Variants in CNGB3 observed in about 807,000 individuals in gnomAD.
CNGB3 encodes cyclic nucleotide-gated channel beta-3.
A neutral mutation model predicts 92.8 loss-of-function variants in CNGB3; 86 were observed. The observed-to-expected ratio is 0.93, with a 90% CI of 0.78 to 1.11. The LOEUF is 1.11. Among genes scored for constraint, CNGB3 ranks in the 50% least tolerant of loss-of-function variants. The pLI is 0.00. For missense variants in CNGB3, 1,026 were observed against 956.8 expected, an observed-to-expected ratio of 1.07 and a Z score of -0.95; for synonymous variants, 333 against 332.7, an observed-to-expected ratio of 1.00 and a Z score of -0.01.
chr8:86,680,112 A>G (rs929314544), intron 3 of CNGB3, among the ~76,000 whole-genome samples: 8 of 152,232 alleles, frequency 5.3e-5, no homozygotes, highest in Non-Finnish European at 4.4e-5. Flanking sequence ...GAATACATAC[A>G]TATCAAGAAA....
rs543158936 is a variant in CNGB3 at position 86,589,253 on chromosome 8, C to T, written c.1782-10001G>A. Among the ~76,000 whole-genome samples, 100 of 150,664 alleles carry T rather than the reference C, an allele frequency of 6.6e-4. 4 individuals are homozygous for T. In the South Asian group the frequency reaches 0.019, roughly 28 times the overall value. On this transcript the variant is annotated intron_variant, in intron 15 of 17. Transcript: ENST00000320005. ...TTTTTTTCTTTATTAGTCTTGCTAG[C>T]GGTCTATCAATTTTGTTGATCCTTT...
chr8:86,617,461 G>A (rs58741016), intron 13 of CNGB3, among the ~76,000 whole-genome samples: 1,907 of 152,244 alleles, frequency 0.013, 33 homozygotes, highest in South Asian at 0.053. Context: ...AAACAAGTAA[G>A]TTATAGGTGA....
intron 3 of CNGB3, among the ~76,000 whole-genome samples, chr8:86,705,860 A>G (rs1289785852): frequency 6.6e-6 from 1 of 152,220 alleles, no homozygotes; most frequent in Non-Finnish European, 1.5e-5. Flanking sequence ...ATAGTATGAC[A>G]CAGACTAGGA....
At position 86,593,629 on chromosome 8, in the gene CNGB3, G is replaced by A. The variant is rs1480809947; in HGVS notation, c.1781+10464C>T. On this transcript the variant is annotated intron_variant, in intron 15 of 17. Transcript: ENST00000320005. ...ATGAGAGGTGGTGGCTATAAGGGGC[G>A]AGTGGGGTTCCCCACTGAGGTGGAC... 3.4e-5 allele frequency: 16 copies of A among 471,000 alleles called. No homozygotes were observed. In the East Asian group the frequency reaches 4.1e-4, roughly 12 times the overall value. The allele number at this position is 471,000 out of a possible 1,614,324, so 29.2% of individuals were successfully genotyped here.
chr8:86,676,146 T>C (rs1486151237), intron 3 of CNGB3, among the ~76,000 whole-genome samples: 2 of 152,206 alleles, frequency 1.3e-5, no homozygotes, highest in Non-Finnish European at 2.9e-5. Context: ...TTGTTAGGAC[T>C]CTAAGAAAGT....
chr8:86,669,432 C>A (rs1160918070), intron 4 of CNGB3, among the ~76,000 whole-genome samples: 1 of 152,108 alleles, frequency 6.6e-6, no homozygotes. Context: ...AAAGGTGTTA[C>A]AAATAGAGTA....
intron 1 of CNGB3, among the ~76,000 whole-genome samples, chr8:86,742,744 CAA>C (rs1825363684): frequency 6.6e-6 from 1 of 152,124 alleles, no homozygotes; most frequent in African/African-American, 2.4e-5. Flanking sequence ...CACAGAAACA[CAA>C]ATTCTTATTA....
chr8:86,676,965 T>A (rs1297346803), intron 3 of CNGB3, among the ~76,000 whole-genome samples: 6 of 152,300 alleles, frequency 3.9e-5, no homozygotes, highest in African/African-American at 1.4e-4. Flanking sequence ...TGATGATGAA[T>A]AAATCAGAAC....
intron 2 of CNGB3, among the ~76,000 whole-genome samples, chr8:86,735,951 C>A (rs1401530094): frequency 6.6e-6 from 1 of 152,102 alleles, no homozygotes; most frequent in Non-Finnish European, 1.5e-5. Flanking sequence ...AAATTACTTA[C>A]ATATCCTCTA....
chr8:86,661,883 C>G (rs955509998), intron 6 of CNGB3: 1 of 935,116 alleles, frequency 1.1e-6, no homozygotes, highest in Non-Finnish European at 1.8e-6. Context: ...CATCACAGTC[C>G]ACAAACCATA....
At chr8:86,628,565 G>A (rs925975122) in intron 12 of CNGB3, among the ~76,000 whole-genome samples, 1 of 152,024 alleles carries the variant, frequency 6.6e-6, no homozygotes, top group African/African-American at 2.4e-5. Context: ...CTGTGTCTTC[G>A]CCCAAATTTC....
chr8:86,741,304 A>AT (rs886418058), intron 1 of CNGB3, among the ~76,000 whole-genome samples: 4 of 152,166 alleles, frequency 2.6e-5, no homozygotes, highest in Non-Finnish European at 5.9e-5. Flanking sequence ...GAGATAAACT[A>AT]TTTTTTCCCA....
intron 14 of CNGB3, among the ~76,000 whole-genome samples, chr8:86,608,593 G>T (rs1267021564): frequency 2.0e-5 from 3 of 152,224 alleles, no homozygotes; most frequent in Non-Finnish European, 4.4e-5. Flanking sequence ...TGCTTCAGTG[G>T]TCAGGCTCCT....
At position 86,590,124 on chromosome 8, in the gene CNGB3, G is replaced by A. The variant is rs527317581; in HGVS notation, c.1782-10872C>T. Among the ~76,000 whole-genome samples the A allele has an allele frequency of 4.3e-4, 66 of 151,790 alleles. 2 individuals carry two copies. The South Asian group carries it at 0.013, about 29-fold the overall frequency. ...TTCTTTGTCTCTTTTGATCTTTTTT[G>A]GTTTCAAGTCTGTTTTATCAGAGAC... is the stretch of plus-strand genomic sequence containing the variant. On this transcript the variant is annotated intron_variant, in intron 15 of 17. Transcript: ENST00000320005.
chr8:86,736,760 A>G (rs1024588134), intron 2 of CNGB3, among the ~76,000 whole-genome samples: 25 of 152,052 alleles, frequency 1.6e-4, no homozygotes, highest in South Asian at 8.3e-4. Context: ...TAAAAAAAAA[A>G]GGCAAGACCA....
chr8:86,735,775 A>G (rs968785399), intron 2 of CNGB3, among the ~76,000 whole-genome samples: 3 of 152,084 alleles, frequency 2.0e-5, no homozygotes, highest in Non-Finnish European at 4.4e-5. Flanking sequence ...AACATTAGCA[A>G]TTTTCTTCAA....
chr8:86,589,937 GGTGTTAAAGTCTCCCATTATTATT>G (rs1292991923), intron 15 of CNGB3, among the ~76,000 whole-genome samples: 1 of 150,068 alleles, frequency 6.7e-6, no homozygotes, highest in Admixed American at 6.7e-5. Context: ...TTGACAGTGG[GGTGTTAAAGTCTCCCATTATTATT>G]GTGTGGGAGT....
chr8:86,580,195 G>GC (rs1273274866), intron 15 of CNGB3, among the ~76,000 whole-genome samples: 2 of 150,150 alleles, frequency 1.3e-5, no homozygotes, highest in Admixed American at 6.6e-5. Context: ...TAGCACGGGG[G>GC]GGGTGGCGGG....
intron 3 of CNGB3, among the ~76,000 whole-genome samples, chr8:86,709,681 T>C (rs1824714077): frequency 1.3e-5 from 2 of 152,064 alleles, no homozygotes; most frequent in Non-Finnish European, 2.9e-5. Flanking sequence ...CCTGATACTG[T>C]GGGATGCTGG....
Sources: allele counts gnomAD v4.1 joint callset (sites outside exome capture counted in the v4.1 genomes callset), GRCh38; gene constraint gnomAD v4.1.1; transcripts MANE v1.5; gene names NCBI Gene and HGNC (gene_info 2026-07-23, HGNC 2026-07-21).